Variants in PTPRN2 observed in about 807,000 individuals in gnomAD.
PTPRN2 encodes the protein receptor-type tyrosine-protein phosphatase N2.
In PTPRN2, 74 loss-of-function variants were observed where a neutral mutation model predicts 118.8. The ratio of observed to expected loss-of-function variants is 0.62; its 90% CI spans 0.52 to 0.76. The LOEUF (loss-of-function observed/expected upper bound fraction) is 0.76, where lower values mean the gene tolerates loss of function less well. Among genes scored for constraint, PTPRN2 ranks in the 30% least tolerant of loss-of-function variants. PTPRN2 has a pLI of 0.00. For missense variants in PTPRN2, 1,481 were observed against 1,394.4 expected (o/e 1.06, Z -0.99); for synonymous variants, 641 against 608.0 (o/e 1.05, Z -0.80).
chr7:157,616,221 AAG>A (rs1312920874), intron 15 of PTPRN2: 1 of 153,548 alleles, frequency 6.5e-6, no homozygotes, highest in Non-Finnish European at 1.4e-5. Flanking sequence ...AGTTTTAAGA[AAG>A]AGAGCAAAGA....
intron 1 of PTPRN2, among the ~76,000 whole-genome samples, chr7:158,511,237 C>T (rs1823160137): frequency 6.6e-6 from 1 of 152,142 alleles, no homozygotes; most frequent in South Asian, 2.1e-4. Context: ...CAGCTGGATG[C>T]GCTGGTGTGG....
At chr7:157,693,670 C>A (rs748801465) in intron 12 of PTPRN2, among the ~76,000 whole-genome samples, 18 of 152,120 alleles carry the variant, frequency 1.2e-4, no homozygotes, top group Non-Finnish European at 2.4e-4. Context: ...CCGCGCGTCG[C>A]CTCGGGGAGC....
chr7:157,846,741 C>T (rs1808837440), intron 12 of PTPRN2, among the ~76,000 whole-genome samples: 1 of 150,660 alleles, frequency 6.6e-6, no homozygotes. Flanking sequence ...CCCTCTCTCA[C>T]TCCATCATGC....
intron 10 of PTPRN2, among the ~76,000 whole-genome samples, chr7:158,087,293 G>A (rs1813499622): frequency 6.6e-6 from 1 of 152,220 alleles, no homozygotes; most frequent in African/African-American, 2.4e-5. Context: ...ATACAAGGGA[G>A]GGGACTGTCT....
At chr7:158,196,819 A>G (rs1563590286) in intron 4 of PTPRN2, among the ~76,000 whole-genome samples, 1 of 152,230 alleles carries the variant, frequency 6.6e-6, no homozygotes. Flanking sequence ...GTGAAAGAAA[A>G]AAAAGTAACC....
chr7:158,186,365 AT>A (rs1324937177), intron 5 of PTPRN2, among the ~76,000 whole-genome samples: 11 of 150,680 alleles, frequency 7.3e-5, no homozygotes, highest in Non-Finnish European at 3.0e-5. Context: ...CTCCTGGCAG[AT>A]TTCTCCCGGG....
chr7:158,186,249 C>T (rs1218485420), intron 5 of PTPRN2, among the ~76,000 whole-genome samples: 3 of 152,204 alleles, frequency 2.0e-5, no homozygotes, highest in Non-Finnish European at 4.4e-5. Context: ...GGAATGGGTT[C>T]ATCCATCCCT....
intron 2 of PTPRN2, among the ~76,000 whole-genome samples, chr7:158,396,999 A>G (rs1256988678): frequency 2.6e-5 from 4 of 152,246 alleles, no homozygotes; most frequent in African/African-American, 9.6e-5. Flanking sequence ...GTCTTTTGAA[A>G]CAAACCGACA....
At chr7:157,697,300 G>A (rs1479835192) in intron 12 of PTPRN2, among the ~76,000 whole-genome samples, 13 of 134,602 alleles carry the variant, frequency 9.7e-5, no homozygotes, top group Admixed American at 2.2e-4. Context: ...TGCATACTGG[G>A]TCTTGGCAGA....
intron 3 of PTPRN2, among the ~76,000 whole-genome samples, chr7:158,256,054 A>C (rs2150908580): frequency 6.6e-6 from 1 of 152,256 alleles, no homozygotes; most frequent in Middle Eastern, 3.4e-3. Context: ...CGTGATCAGA[A>C]CCCTGCAGGT....
chr7:158,220,864 T>A (rs1453882510), intron 3 of PTPRN2, among the ~76,000 whole-genome samples: 63 of 132,922 alleles, frequency 4.7e-4, no homozygotes, highest in African/African-American at 1.6e-3. Context: ...AAAAGAATTA[T>A]AAAATTCATA....
intron 3 of PTPRN2, among the ~76,000 whole-genome samples, chr7:158,251,175 C>T (rs1796632594): frequency 6.6e-6 from 1 of 152,170 alleles, no homozygotes; most frequent in East Asian, 1.9e-4. Context: ...ATAATGTGCT[C>T]ATCTTCAGGA....
intron 3 of PTPRN2, among the ~76,000 whole-genome samples, chr7:158,243,793 A>G (rs1585954400): frequency 3.6e-5 from 1 of 27,710 alleles, no homozygotes; most frequent in Non-Finnish European, 1.1e-4. Flanking sequence ...AGTCACTACT[A>G]TATATCTCCT....
At chr7:158,236,598 C>G (rs1224477308) in intron 3 of PTPRN2, among the ~76,000 whole-genome samples, 1 of 152,172 alleles carries the variant, frequency 6.6e-6, no homozygotes, top group African/African-American at 2.4e-5. Context: ...CTTCATGGAG[C>G]CGCCGTGAAG....
intron 3 of PTPRN2, among the ~76,000 whole-genome samples, chr7:158,275,733 C>T (rs969962032): frequency 1.3e-5 from 2 of 152,134 alleles, no homozygotes; most frequent in African/African-American, 2.4e-5. Flanking sequence ...CCACCCTGCG[C>T]ACCTCCACGT....
intron 1 of PTPRN2, among the ~76,000 whole-genome samples, chr7:158,530,582 C>T (rs1183031709): frequency 6.6e-6 from 1 of 152,122 alleles, no homozygotes; most frequent in Non-Finnish European, 1.5e-5. Context: ...AGAAAGCCCA[C>T]GATGGAACCA....
chr7:157,910,083 C>T (rs531209392), intron 11 of PTPRN2, among the ~76,000 whole-genome samples: 60 of 152,360 alleles, frequency 3.9e-4, no homozygotes, highest in African/African-American at 1.4e-3. Flanking sequence ...AACTAAAGAG[C>T]CAACGATAAA....
intron 12 of PTPRN2, among the ~76,000 whole-genome samples, chr7:157,791,126 G>GT (rs1804463940): frequency 6.6e-6 from 1 of 152,202 alleles, no homozygotes; most frequent in African/African-American, 2.4e-5. Flanking sequence ...TATGAGAACA[G>GT]TCACTCTGGC....
At chr7:158,390,437 G>A (rs2151377019) in intron 2 of PTPRN2, among the ~76,000 whole-genome samples, 1 of 152,358 alleles carries the variant, frequency 6.6e-6, no homozygotes, top group Middle Eastern at 3.4e-3. Flanking sequence ...GAGTTATGAG[G>A]TGAGACCTGC....
Sources: gnomAD v4.1 joint callset for allele counts (sites outside exome capture counted in the v4.1 genomes callset) on GRCh38, gnomAD v4.1.1 for gene constraint, MANE v1.5 for transcripts, NCBI Gene and HGNC (gene_info 2026-07-23, HGNC 2026-07-21) for gene names.